KSR2: variants seen among roughly 807,000 people sequenced by gnomAD.
KSR2 encodes kinase suppressor of ras 2.
In KSR2, 25 loss-of-function variants were observed where a neutral mutation model predicts 107.8. That is an observed-to-expected ratio of 0.23 (90% confidence interval 0.17 to 0.32). The LOEUF (loss-of-function observed/expected upper bound fraction) is 0.32, where lower values mean the gene tolerates loss of function less well. Ranked by LOEUF, KSR2 falls within the 10% of genes least tolerant of loss-of-function variation. The pLI is 1.00. For synonymous variants in KSR2, 480 were observed against 507.0 expected (o/e 0.95, Z 0.71); for missense variants, 887 against 1,268.9 (o/e 0.70, Z 4.57).
intron 2 of KSR2, among the ~76,000 whole-genome samples, 199 bp downstream of exon 2, chr12:117,860,092 C>T (rs146811570): frequency 6.6e-6 from 1 of 152,338 alleles, no homozygotes; most frequent in East Asian, 1.9e-4. Context: ...TTCTAACTGA[C>T]TCTGGAAGCA....
chr12:117,594,588 T>C (rs969918441), intron 5 of KSR2, among the ~76,000 whole-genome samples: 1 of 152,148 alleles, frequency 6.6e-6, no homozygotes, highest in Non-Finnish European at 1.5e-5. Flanking sequence ...GTGAGACCTC[T>C]GGGGCAGGAT....
intron 12 of KSR2, among the ~76,000 whole-genome samples, chr12:117,528,871 C>A (rs75812400): frequency 6.6e-6 from 1 of 152,208 alleles, no homozygotes; most frequent in Non-Finnish European, 1.5e-5. Context: ...TTAAGCAGAT[C>A]GCAAGCAGCT....
At chr12:117,852,949 G>C (rs891814213) in intron 3 of KSR2, among the ~76,000 whole-genome samples, 1 of 152,128 alleles carries the variant, frequency 6.6e-6, no homozygotes, top group Non-Finnish European at 1.5e-5. Flanking sequence ...TTACAGGCAT[G>C]CGCCACCAAG....
chr12:117,508,558 G>A (rs556219468), intron 14 of KSR2, among the ~76,000 whole-genome samples: 1 of 152,096 alleles, frequency 6.6e-6, no homozygotes, highest in African/African-American at 2.4e-5. Flanking sequence ...GTAGGTAGGT[G>A]GATAGCTGGG....
intron 9 of KSR2, among the ~76,000 whole-genome samples, chr12:117,544,008 G>A (rs995852260): frequency 6.6e-6 from 1 of 152,100 alleles, no homozygotes; most frequent in African/African-American, 2.4e-5. Flanking sequence ...ATTGGATTAA[G>A]GGACCACCCT....
At chr12:117,474,640 A>G (rs1871664927) in intron 17 of KSR2, among the ~76,000 whole-genome samples, 2 of 152,128 alleles carry the variant, frequency 1.3e-5, no homozygotes, top group South Asian at 2.1e-4. Flanking sequence ...CTTTCTGGCT[A>G]TATTTTCTCA....
At position 117,968,401 on chromosome 12, in the gene KSR2, G is replaced by A. The variant is rs1243487869; in HGVS notation, c.-146C>T. ...AAGAAGAAATCCAACATCTCACACA[G>A]GGTTGAGGGGGTGGGAGTGGGAGGA... On this transcript the variant is annotated 5_prime_UTR_variant, in exon 1 of 20. Transcript: ENST00000339824. 3.0e-6 allele frequency: 4 copies of A among 1,352,510 alleles called. No individual in the cohort carries two copies. Among genetic ancestry groups the A allele is most frequent in the Non-Finnish European group, 1.9e-6 (2 of 1,060,472 alleles). The allele number at this position is 1,352,510 out of a possible 1,614,324, so 83.8% of individuals were successfully genotyped here.
intron 14 of KSR2, among the ~76,000 whole-genome samples, chr12:117,517,549 G>C (rs1026515564): frequency 2.6e-5 from 4 of 152,156 alleles, no homozygotes; most frequent in African/African-American, 9.7e-5. Flanking sequence ...CAAATCCTCT[G>C]CTGCTCATAG....
chr12:117,968,923 G>A lies in KSR2; in HGVS notation c.-668C>T, dbSNP rs1252659989. 1.2e-5 allele frequency: 3 copies of A among 252,930 alleles called. No homozygotes were observed. The highest frequency in any genetic ancestry group is 2.4e-5 in the Non-Finnish European group (3 of 127,038). 15.7% of individuals were successfully genotyped at this position (252,930 alleles called of 1,614,324 possible). A position where few individuals can be genotyped will look rare whatever the true frequency, so the allele number is the denominator to read the frequency against. On this transcript the variant is annotated 5_prime_UTR_variant, in exon 1 of 20. Transcript: ENST00000339824. Reference sequence around the variant, plus strand: ...GCTGCTGCTGCTGCTGCCGCCGCCGGGCTCCGGGGGTGACGGTTGCTGCAA... The same window carrying A: ...GCTGCTGCTGCTGCTGCCGCCGCCGAGCTCCGGGGGTGACGGTTGCTGCAA...
At chr12:117,686,226 T>C (rs1253810250) in intron 4 of KSR2, among the ~76,000 whole-genome samples, 2 of 140,890 alleles carry the variant, frequency 1.4e-5, no homozygotes, top group Non-Finnish European at 3.0e-5. Flanking sequence ...TTTTTTTTTT[T>C]TTTTTTTTTT....
chr12:117,695,879 A>T (rs11068633), intron 4 of KSR2, among the ~76,000 whole-genome samples: 42,872 of 152,006 alleles, frequency 0.28, 6,163 homozygotes, highest in Admixed American at 0.31. Context: ...AGGAAGGCCA[A>T]AGAGAGGGTC....
At chr12:117,699,163 G>A (rs946819013) in intron 4 of KSR2, among the ~76,000 whole-genome samples, 1 of 152,162 alleles carries the variant, frequency 6.6e-6, no homozygotes, top group African/African-American at 2.4e-5. Flanking sequence ...CAGGGCCTTT[G>A]GATGATCTGT....
intron 4 of KSR2, among the ~76,000 whole-genome samples, chr12:117,729,961 C>T (rs1887592600): frequency 6.6e-6 from 1 of 152,138 alleles, no homozygotes; most frequent in South Asian, 2.1e-4. Context: ...AGGTTTGTAT[C>T]ACATTTTCCA....
intron 1 of KSR2, among the ~76,000 whole-genome samples, chr12:117,950,125 C>A (rs1896315944): frequency 6.6e-6 from 1 of 151,978 alleles, no homozygotes; most frequent in Non-Finnish European, 1.5e-5. Context: ...AGGCACGTAC[C>A]ACCATGGCCG....
rs1416308390 is a variant in KSR2, at chr12:117,539,832, G to A, written c.1574C>T (p.Thr525Met). 3 of 1,610,692 alleles carry A rather than the reference G, an allele frequency of 1.9e-6. No individual in the cohort carries two copies. Among genetic ancestry groups the A allele is most frequent in the African/African-American group, 1.3e-5 (1 of 74,830 alleles). Reference sequence around the variant, plus strand: ...TGCTGGCGAGGAGGGCGTGGAGGACGTCGTGGAGGAGGGGTTGCTGCTGGA... The same window carrying A: ...TGCTGGCGAGGAGGGCGTGGAGGACATCGTGGAGGAGGGGTTGCTGCTGGA... ...PDSSSNPSST[T>M]SSTPSSPAPP... The change falls in exon 10 of 20, where the codon ACG (threonine) becomes ATG (methionine). Residue 525 changes from threonine to methionine, a missense_variant. By Grantham distance (81) the Thr-to-Met change is moderately conservative. Transcript: ENST00000339824.
At chr12:117,525,541 C>G (rs1413443109) in intron 13 of KSR2, among the ~76,000 whole-genome samples, 1 of 152,078 alleles carries the variant, frequency 6.6e-6, no homozygotes, top group Non-Finnish European at 1.5e-5. Flanking sequence ...ACCGAAAGTC[C>G]CATATGTTGC....
At chr12:117,667,731 G>C in intron 4 of KSR2, 73 bp from the exon 5 acceptor site, 1 of 1,311,846 alleles carries the variant, frequency 7.6e-7, no homozygotes, top group South Asian at 1.6e-5. Flanking sequence ...GGGAGGCCCA[G>C]CCTTGTGTTT....
intron 9 of KSR2, among the ~76,000 whole-genome samples, chr12:117,546,427 T>C (rs1211083305): frequency 2.0e-5 from 3 of 152,232 alleles, no homozygotes; most frequent in African/African-American, 4.8e-5. Flanking sequence ...AAGTTTGACA[T>C]GACATATCCT....
chr12:117,485,753 A>C (rs578093954), intron 14 of KSR2, 62 bp from the exon 15 acceptor site: 5 of 1,090,682 alleles, frequency 4.6e-6, no homozygotes, highest in Admixed American at 1.7e-5. Flanking sequence ...GACCCACAAC[A>C]GTTACTACAA....
Sources: allele counts gnomAD v4.1 joint callset (sites outside exome capture counted in the v4.1 genomes callset), GRCh38; gene constraint gnomAD v4.1.1; transcripts MANE v1.5; gene names NCBI Gene and HGNC (gene_info 2026-07-23, HGNC 2026-07-21).